The following INPP4B variants were observed in gnomAD, a reference collection of about 807,000 sequenced individuals.
INPP4B encodes inositol polyphosphate 4-phosphatase type II.
In INPP4B, 55 loss-of-function variants were observed where a neutral mutation model predicts 122.5. The observed-to-expected ratio is 0.45, with a 90% CI of 0.36 to 0.56. The LOEUF (loss-of-function observed/expected upper bound fraction) is 0.56, where lower values mean the gene tolerates loss of function less well. Ranked by LOEUF, INPP4B falls within the 20% of genes least tolerant of loss-of-function variation. The pLI is 0.00. For synonymous variants in INPP4B, 403 were observed against 388.7 expected, an observed-to-expected ratio of 1.04 and a Z score of -0.43; for missense variants, 1,000 against 1,097.7, an observed-to-expected ratio of 0.91 and a Z score of 1.26.
intron 1 of INPP4B, among the ~76,000 whole-genome samples, chr4:142,830,009 G>A (rs1166940016): frequency 6.6e-6 from 1 of 152,130 alleles, no homozygotes; most frequent in South Asian, 2.1e-4. Flanking sequence ...GGCACAGGAT[G>A]TAGAGGACCT....
At chr4:142,091,537 G>C (rs1338387324) in intron 23 of INPP4B, among the ~76,000 whole-genome samples, 2 of 152,152 alleles carry the variant, frequency 1.3e-5, no homozygotes. Flanking sequence ...ACTTTCTCAG[G>C]TAAAAGTCAG....
At chr4:142,183,606 T>C (rs1261957275) in intron 15 of INPP4B, among the ~76,000 whole-genome samples, 1 of 152,166 alleles carries the variant, frequency 6.6e-6, no homozygotes, top group Non-Finnish European at 1.5e-5. Flanking sequence ...TGATGACTAT[T>C]AAATATCTAG....
chr4:142,238,001 G>T lies in INPP4B; in HGVS notation c.699C>A (p.Asn233Lys), dbSNP rs557581996. 1.3e-6 allele frequency: 2 copies of T among 1,523,756 alleles called. No individual in the cohort carries two copies. Among genetic ancestry groups the T allele is most frequent in the South Asian group, 1.2e-5 (1 of 81,694 alleles). The allele number at this position is 1,523,756 out of a possible 1,614,324, so 94.4% of individuals were successfully genotyped here. The part of the protein sequence containing the change: ...NLPFLNSVLK[N>K]PVCKLYRFPT... Reference sequence around the variant, plus strand: ...GAAATCTATATAATTTACATACTGGGTTCTTTAACACTGGAAAAAAAAAGA... The same window carrying T: ...GAAATCTATATAATTTACATACTGGTTTCTTTAACACTGGAAAAAAAAAGA... The change falls in exon 12 of 26, where the codon AAC (asparagine) becomes AAA (lysine). Residue 233 changes from asparagine (N) to lysine (K), a missense_variant. Physicochemically the swap from Asn to Lys is moderately conservative, Grantham distance 94. Transcript: ENST00000262992.
intron 2 of INPP4B, among the ~76,000 whole-genome samples, chr4:142,486,221 C>T (rs1273400712): frequency 1.3e-5 from 2 of 152,080 alleles, no homozygotes; most frequent in African/African-American, 2.4e-5. Flanking sequence ...TAGGAATTTC[C>T]AAAGTGGTGT....
At chr4:142,127,207 T>C (rs1799014758) in intron 18 of INPP4B, among the ~76,000 whole-genome samples, 1 of 152,196 alleles carries the variant, frequency 6.6e-6, no homozygotes, top group Non-Finnish European at 1.5e-5. Context: ...GCATCTTGCA[T>C]GGTACTATAC....
intron 15 of INPP4B, among the ~76,000 whole-genome samples, chr4:142,192,064 T>G (rs572474378): frequency 1.3e-5 from 2 of 151,652 alleles, no homozygotes; most frequent in African/African-American, 4.8e-5. Context: ...CTCAAACAGG[T>G]TTTCTAATAC....
At chr4:142,554,200 A>AAAG (rs1553958062) in intron 2 of INPP4B, among the ~76,000 whole-genome samples, 20 of 137,964 alleles carry the variant, frequency 1.4e-4, no homozygotes, top group East Asian at 7.3e-4. Context: ...AAAAAAAAAA[A>AAAG]AAAAAGAAAA....
chr4:142,641,539 G>A (rs777768753), intron 2 of INPP4B, among the ~76,000 whole-genome samples: 2 of 151,240 alleles, frequency 1.3e-5, no homozygotes, highest in African/African-American at 2.4e-5. Context: ...TTATCCTTGC[G>A]ACAGTTTGCT....
chr4:142,139,949 T>C (rs1806873758), intron 18 of INPP4B, among the ~76,000 whole-genome samples: 1 of 152,164 alleles, frequency 6.6e-6, no homozygotes, highest in South Asian at 2.1e-4. Flanking sequence ...AGTGCTTGGA[T>C]TACAAGTGTG....
intron 7 of INPP4B, among the ~76,000 whole-genome samples, chr4:142,324,252 T>C (rs1244145474): frequency 1.3e-5 from 2 of 151,960 alleles, no homozygotes; most frequent in Non-Finnish European, 2.9e-5. Context: ...TGTGAGAAAA[T>C]AAATTTTTGT....
At chr4:142,087,936 A>G (rs1190833833) in intron 23 of INPP4B, among the ~76,000 whole-genome samples, 1 of 152,194 alleles carries the variant, frequency 6.6e-6, no homozygotes, top group African/African-American at 2.4e-5. Context: ...GGTTGGGTAC[A>G]ATTCAGATAG....
At chr4:142,185,179 G>C (rs908956512) in intron 15 of INPP4B, among the ~76,000 whole-genome samples, 1 of 152,046 alleles carries the variant, frequency 6.6e-6, no homozygotes, top group African/African-American at 2.4e-5. Flanking sequence ...GAAAGCAAGG[G>C]AGAAAAAGTT....
At chr4:142,372,541 G>C (rs540501845) in intron 7 of INPP4B, among the ~76,000 whole-genome samples, 1 of 151,966 alleles carries the variant, frequency 6.6e-6, no homozygotes, top group Admixed American at 6.6e-5. Context: ...ATGCATAGAG[G>C]AAGGTAAAAA....
At chr4:142,843,039 TA>T (rs1783749822) in intron 1 of INPP4B, among the ~76,000 whole-genome samples, 1 of 149,216 alleles carries the variant, frequency 6.7e-6, no homozygotes, top group South Asian at 2.1e-4. Context: ...AAAATATATT[TA>T]AAAAAATAAA....
chr4:142,030,418 C>G (rs886131164), intron 25 of INPP4B: 5 of 843,830 alleles, frequency 5.9e-6, no homozygotes, highest in African/African-American at 1.7e-5. Flanking sequence ...TAACACAACT[C>G]TTTCAGATGA....
chr4:142,305,126 T>G (rs2151184580), intron 9 of INPP4B, among the ~76,000 whole-genome samples: 1 of 152,286 alleles, frequency 6.6e-6, no homozygotes, highest in Non-Finnish European at 1.5e-5. Context: ...GATTAAAAAG[T>G]AACATTTTGA....
intron 2 of INPP4B, among the ~76,000 whole-genome samples, chr4:142,489,962 A>T (rs148325880): frequency 1.3e-5 from 2 of 152,178 alleles, no homozygotes; most frequent in Non-Finnish European, 2.9e-5. Context: ...TTTGCATGTT[A>T]TGTATTTTCC....
intron 2 of INPP4B, among the ~76,000 whole-genome samples, chr4:142,505,720 T>C (rs1392474879): frequency 2.0e-5 from 3 of 152,066 alleles, no homozygotes; most frequent in African/African-American, 7.2e-5. Flanking sequence ...GATTTTGAGG[T>C]TCAAGCATAA....
At chr4:142,384,366 T>C (rs908363194) in intron 7 of INPP4B, among the ~76,000 whole-genome samples, 1 of 152,118 alleles carries the variant, frequency 6.6e-6, no homozygotes, top group African/African-American at 2.4e-5. Context: ...CTTTGTAGAG[T>C]GTACCTACAC....
Sources: gnomAD v4.1 joint callset for allele counts (sites outside exome capture counted in the v4.1 genomes callset) on GRCh38, gnomAD v4.1.1 for gene constraint, MANE v1.5 for transcripts, NCBI Gene and HGNC (gene_info 2026-07-23, HGNC 2026-07-21) for gene names.